OR51B5: variants seen among roughly 807,000 people sequenced by gnomAD.
OR51B5 encodes olfactory receptor 51B5.
For missense variants in OR51B5, 456 were observed against 374.6 expected (o/e 1.22, Z -1.79); for synonymous variants, 186 against 144.8 (o/e 1.28, Z -2.04).
In OR51B5 at chr11:5,389,416, G is replaced by C. The variant is rs116535306; in HGVS notation, n.85-42506C>G. The C allele has an allele frequency of 2.0e-5, 32 of 1,612,954 alleles. No homozygotes were observed. In the South Asian group the frequency reaches 3.2e-4, roughly 16 times the overall value. On this transcript the variant is annotated intron_variant and non_coding_transcript_variant, in intron 1 of 4. Coordinates refer to the OR51B5 transcript ENST00000415970. ...CCCGAGGAATGTCAGTCCAATATTCGCTCAGTCCTCAATTCATGCTGCTAT... is the reference window on the plus strand; with the variant it reads ...CCCGAGGAATGTCAGTCCAATATTCCCTCAGTCCTCAATTCATGCTGCTAT...
At chr11:5,359,854 T>C (rs1256324678) in intron 1 of OR51B5, among the ~76,000 whole-genome samples, 1 of 152,032 alleles carries the variant, frequency 6.6e-6, no homozygotes, top group African/African-American at 2.4e-5. Flanking sequence ...TCTACAACCA[T>C]CTGATCTTTG....
rs140570644 is a variant in OR51B5 at position 5,484,892 on chromosome 11, A to G, written n.84+20677T>C. Among the ~76,000 whole-genome samples, 109 of 152,358 alleles carry G rather than the reference A, an allele frequency of 7.2e-4. 4 individuals are homozygous for G. The South Asian group carries it at 0.021, about 30-fold the overall frequency. ...TGTGAGAATAAACCTGCCTTTTAAA[A>G]AAGTTTTTATGCTCCAATACATGTT... On this transcript the variant is annotated intron_variant and non_coding_transcript_variant, in intron 1 of 4. Transcript: ENST00000415970.
chr11:5,379,489 A>T (rs1849578352), intron 1 of OR51B5, among the ~76,000 whole-genome samples: 1 of 151,900 alleles, frequency 6.6e-6, no homozygotes, highest in African/African-American at 2.4e-5. Flanking sequence ...AAATAAAAAA[A>T]TAAAAAATAA....
intron 1 of OR51B5, chr11:5,454,237 C>G (rs1850913570): frequency 6.2e-7 from 1 of 1,614,054 alleles, no homozygotes; most frequent in Non-Finnish European, 8.5e-7. Context: ...GCTGTACTTG[C>G]ATTTTATGTG....
intron 1 of OR51B5, among the ~76,000 whole-genome samples, chr11:5,358,222 T>A (rs1313923515): frequency 6.6e-6 from 1 of 151,480 alleles, no homozygotes; most frequent in Non-Finnish European, 1.5e-5. Context: ...TTCAAAAAGA[T>A]CAACAAAATT....
chr11:5,380,289 G>A (rs1849590758), intron 1 of OR51B5, among the ~76,000 whole-genome samples: 3 of 152,160 alleles, frequency 2.0e-5, no homozygotes, highest in Admixed American at 1.3e-4. Context: ...GTCCAGGGAG[G>A]CAGGGGGATG....
At chr11:5,365,655 T>C (rs1258782335) in intron 1 of OR51B5, among the ~76,000 whole-genome samples, 3 of 152,162 alleles carry the variant, frequency 2.0e-5, no homozygotes, top group African/African-American at 7.2e-5. Flanking sequence ...CACCTCCAAA[T>C]GTGTTGAGGC....
At chr11:5,476,338 C>A (rs938220980) in intron 1 of OR51B5, among the ~76,000 whole-genome samples, 1 of 152,130 alleles carries the variant, frequency 6.6e-6, no homozygotes, top group African/African-American at 2.4e-5. Context: ...TATCTATAGT[C>A]ACAAATCACA....
At chr11:5,375,765 C>A (rs1025364564) in intron 1 of OR51B5, among the ~76,000 whole-genome samples, 8 of 152,126 alleles carry the variant, frequency 5.3e-5, no homozygotes, top group African/African-American at 1.9e-4. Flanking sequence ...AGCTAACTAT[C>A]CTAAATATAT....
At chr11:5,447,985 C>G (rs1850793176) in intron 1 of OR51B5, among the ~76,000 whole-genome samples, 1 of 152,174 alleles carries the variant, frequency 6.6e-6, no homozygotes, top group Non-Finnish European at 1.5e-5. Context: ...ACAGTGACCA[C>G]TCCTCAAAGT....
At chr11:5,471,395 T>C (rs1450459507) in intron 1 of OR51B5, among the ~76,000 whole-genome samples, 7 of 152,050 alleles carry the variant, frequency 4.6e-5, no homozygotes, top group African/African-American at 7.2e-5. Context: ...CCCAGCACTT[T>C]GGGAGGCCGA....
upstream of OR51B5, among the ~76,000 whole-genome samples, chr11:5,348,340 G>T (rs1849026248): frequency 6.6e-6 from 1 of 151,978 alleles, no homozygotes. Flanking sequence ...AATCTCTCTG[G>T]CTTCCATTCT....
intron 1 of OR51B5, among the ~76,000 whole-genome samples, chr11:5,366,469 C>T (rs746711308): frequency 1.3e-5 from 2 of 151,982 alleles, no homozygotes; most frequent in Non-Finnish European, 2.9e-5. Flanking sequence ...ATTAGCAGGG[C>T]CTGGTGGCAG....
intron 1 of OR51B5, among the ~76,000 whole-genome samples, chr11:5,417,988 A>G (rs2133756732): frequency 6.9e-6 from 1 of 145,402 alleles, no homozygotes; most frequent in East Asian, 2.0e-4. Context: ...CACTACTCAC[A>G]ATAGCAAACT....
At chr11:5,501,407 G>A (rs1177744928) in intron 1 of OR51B5, among the ~76,000 whole-genome samples, 1 of 148,134 alleles carries the variant, frequency 6.8e-6, no homozygotes, top group Non-Finnish European at 1.5e-5. Context: ...ATAAAATCCT[G>A]ATGGGAGTAG....
intron 1 of OR51B5, among the ~76,000 whole-genome samples, chr11:5,462,661 A>T (rs186352822): frequency 2.6e-5 from 4 of 152,380 alleles, no homozygotes; most frequent in Admixed American, 6.5e-5. Flanking sequence ...GCACTTCCTC[A>T]TCAGGAGGAT....
intron 1 of OR51B5, chr11:5,403,246 T>C (rs1489976926): frequency 2.1e-6 from 1 of 471,510 alleles, no homozygotes; most frequent in South Asian, 1.5e-5. Context: ...TTGCTGATTG[T>C]GATCTCCTAT....
chr11:5,343,573 G>A (rs975491690), upstream of OR51B5: 6 of 663,348 alleles, frequency 9.0e-6, no homozygotes, highest in African/African-American at 1.1e-4. Flanking sequence ...TATTACCACA[G>A]TGCACAGTTC....
chr11:5,379,567 T>G (rs1452364189), intron 1 of OR51B5, among the ~76,000 whole-genome samples: 2 of 152,134 alleles, frequency 1.3e-5, no homozygotes, highest in Non-Finnish European at 2.9e-5. Flanking sequence ...AATGTGTCTT[T>G]TTCTATGTCT....
Sources: gnomAD v4.1 joint callset for allele counts (sites outside exome capture counted in the v4.1 genomes callset) on GRCh38, gnomAD v4.1.1 for gene constraint, MANE v1.5 for transcripts, NCBI Gene and HGNC (gene_info 2026-07-23, HGNC 2026-07-21) for gene names.